The following FBXL2 variants were observed in gnomAD, a reference collection of about 807,000 sequenced individuals.
FBXL2 encodes the protein F-box and leucine rich repeat protein 2.
A neutral mutation model predicts 69.2 loss-of-function variants in FBXL2; 38 were observed. The observed-to-expected ratio is 0.55, with a 90% CI of 0.42 to 0.72. The LOEUF (loss-of-function observed/expected upper bound fraction) is 0.72. Ranked by LOEUF, FBXL2 falls within the 30% of genes least tolerant of loss-of-function variation. FBXL2 has a pLI of 0.00. For synonymous variants in FBXL2, 192 were observed against 201.3 expected (o/e 0.95, Z 0.39); for missense variants, 354 against 520.3 (o/e 0.68, Z 3.11).
chr3:33,298,088 A>G (rs2035910077), intron 2 of FBXL2: 2 of 251,526 alleles, frequency 8.0e-6, no homozygotes, highest in Non-Finnish European at 1.6e-5. Flanking sequence ...AAAGTTTTTG[A>G]TGTTTTCAGA....
chr3:33,319,514 T>C (rs989150624), intron 2 of FBXL2, among the ~76,000 whole-genome samples: 1 of 152,218 alleles, frequency 6.6e-6, no homozygotes, highest in Non-Finnish European at 1.5e-5. Flanking sequence ...TGTTGAATTA[T>C]TGAATTCTTA....
At chr3:33,314,973 C>G (rs2037544794) in intron 2 of FBXL2, among the ~76,000 whole-genome samples, 1 of 152,090 alleles carries the variant, frequency 6.6e-6, no homozygotes, top group African/African-American at 2.4e-5. Context: ...AAATGTGTTT[C>G]ATGAAAAAAG....
At chr3:33,344,702 A>T (rs1242196216) in intron 2 of FBXL2, among the ~76,000 whole-genome samples, 1 of 152,214 alleles carries the variant, frequency 6.6e-6, no homozygotes, top group Non-Finnish European at 1.5e-5. Context: ...AGAAAGTGGT[A>T]GGAAAGAAAA....
chr3:33,310,230 C>T (rs2037068962), intron 2 of FBXL2, among the ~76,000 whole-genome samples: 1 of 151,932 alleles, frequency 6.6e-6, no homozygotes, highest in South Asian at 2.1e-4. Flanking sequence ...CAGCTCACTG[C>T]AATCTCTGCC....
intron 2 of FBXL2, among the ~76,000 whole-genome samples, chr3:33,308,204 A>G (rs2036886568): frequency 6.6e-6 from 1 of 152,018 alleles, no homozygotes; most frequent in African/African-American, 2.4e-5. Flanking sequence ...TTTACTTCCT[A>G]TCTAAGATAG....
At chr3:33,330,433 A>C (rs1280814214) in intron 2 of FBXL2, among the ~76,000 whole-genome samples, 1 of 152,160 alleles carries the variant, frequency 6.6e-6, no homozygotes, top group Non-Finnish European at 1.5e-5. Context: ...TTTTTGATAG[A>C]CCAGTGGAGT....
At chr3:33,357,437 G>T (rs1313956795) in intron 2 of FBXL2, among the ~76,000 whole-genome samples, 2 of 151,840 alleles carry the variant, frequency 1.3e-5, no homozygotes, top group African/African-American at 4.8e-5. Context: ...GGGCAAGGTA[G>T]ATGTGTAGAT....
rs541260532 is a variant in FBXL2, at chr3:33,360,805, A to G, written c.195+1448A>G. ...TTTCTACTGACCACAAAGTAGAGTT[A>G]TTGTTTTGAAAAAATTGAGCAAAAT... On this transcript the variant is annotated intron_variant, in intron 4 of 14. Transcript: ENST00000484457. 2.8e-4 allele frequency among the ~76,000 whole-genome samples: 41 copies of G among 147,020 alleles called. No homozygotes were observed. The South Asian group carries it at 8.8e-3, about 31-fold the overall frequency.
At chr3:33,341,334 A>G (rs1426695488) in intron 2 of FBXL2, among the ~76,000 whole-genome samples, 1 of 152,222 alleles carries the variant, frequency 6.6e-6, no homozygotes, top group African/African-American at 2.4e-5. Flanking sequence ...TTCTTCAACA[A>G]ATAACTTGCA....
chr3:33,293,397 A>G (rs2035441837), intron 1 of FBXL2, among the ~76,000 whole-genome samples: 1 of 152,184 alleles, frequency 6.6e-6, no homozygotes, highest in Admixed American at 6.5e-5. Context: ...AAACTATGGC[A>G]TAGAAAAGTT....
At chr3:33,411,452 A>T in the FBXL2 span, 1 of 728,686 alleles carries the variant, frequency 1.4e-6, no homozygotes, top group Non-Finnish European at 2.3e-6. Flanking sequence ...CTAACTATGT[A>T]TATAGAAAGA....
rs1020310306 is a variant in FBXL2 at position 33,363,676 on chromosome 3, G to A, written c.196-949G>A. The stretch of plus-strand genomic sequence containing the variant: ...GCTACTGACATAAATCACAGGGCAT[G>A]GTAGTACTACAGGATGCCCTAAGGG... On this transcript the variant is annotated intron_variant, in intron 4 of 14. Coordinates refer to ENST00000484457, the MANE Select transcript of FBXL2 (RefSeq NM_012157.5). Among the ~76,000 whole-genome samples, 4 of 152,178 alleles carry A rather than the reference G, an allele frequency of 2.6e-5. No homozygotes were observed. In the South Asian group the frequency reaches 8.3e-4, roughly 31 times the overall value.
intron 2 of FBXL2, among the ~76,000 whole-genome samples, chr3:33,313,296 A>G (rs2037381026): frequency 6.6e-6 from 1 of 152,092 alleles, no homozygotes. Context: ...CTGGTAAACT[A>G]AAGATTTCTA....
At chr3:33,403,037 C>T in intron 12 of FBXL2, 1 of 776,548 alleles carries the variant, frequency 1.3e-6, no homozygotes, top group Non-Finnish European at 2.1e-6. Flanking sequence ...AGCAACCTCA[C>T]AGACACATGT....
intron 2 of FBXL2, among the ~76,000 whole-genome samples, chr3:33,355,686 C>T (rs2041152101): frequency 6.6e-6 from 1 of 152,160 alleles, no homozygotes; most frequent in Non-Finnish European, 1.5e-5. Context: ...CCCTTACTCC[C>T]CTGTGATTAT....
Position 33,396,108 on chromosome 3 carries a change from G to A in FBXL2, n.1215-7126G>A, listed in dbSNP as rs200822201. 501 of 1,452,598 alleles carry A rather than the reference G, an allele frequency of 3.4e-4. 1 individual carries two copies. Among genetic ancestry groups the A allele is most frequent in the Admixed American group, 1.4e-3 (79 of 56,342 alleles). The allele number at this position is 1,452,598 out of a possible 1,614,324, so 90.0% of individuals were successfully genotyped here. On this transcript the variant is annotated intron_variant and non_coding_transcript_variant, in intron 12 of 12. Transcript: ENST00000463736. Reference sequence around the variant, plus strand: ...AAGCCTGCTCAATCGAGTCCTTTCCGTTTCTGTCTGACAGTCTCAGAAGTG... The same window carrying A: ...AAGCCTGCTCAATCGAGTCCTTTCCATTTCTGTCTGACAGTCTCAGAAGTG...
upstream of FBXL2, chr3:33,277,133 G>T: frequency 3.9e-5 from 8 of 203,458 alleles, no homozygotes; most frequent in Non-Finnish European, 5.8e-5. Flanking sequence ...TCTTGTTATT[G>T]GTAATTTAAA....
intron 1 of FBXL2, among the ~76,000 whole-genome samples, chr3:33,293,008 G>A (rs1299061395): frequency 1.3e-5 from 2 of 152,174 alleles, no homozygotes; most frequent in African/African-American, 4.8e-5. Context: ...GACAAATGCA[G>A]GGAGAATTTT....
At chr3:33,325,314 A>C (rs1266348987) in intron 2 of FBXL2, among the ~76,000 whole-genome samples, 2 of 152,228 alleles carry the variant, frequency 1.3e-5, no homozygotes, top group Non-Finnish European at 2.9e-5. Context: ...CCTGGCCAGA[A>C]CTTCCAATAC....
Sources: allele counts gnomAD v4.1 joint callset (sites outside exome capture counted in the v4.1 genomes callset), GRCh38; gene constraint gnomAD v4.1.1; transcripts MANE v1.5; gene names NCBI Gene and HGNC (gene_info 2026-07-23, HGNC 2026-07-21).